Variants in PCDH9 observed in about 807,000 individuals in gnomAD.
PCDH9 encodes the protein protocadherin 9.
Under a neutral mutation model 70.6 loss-of-function variants are expected in PCDH9, and 24 were observed. The observed-to-expected ratio is 0.34, with a 90% CI of 0.25 to 0.48. PCDH9 has a LOEUF of 0.48. PCDH9 is among the 20% of genes least tolerant of loss of function. The probability of loss-of-function intolerance (pLI) is 0.99; values close to 1 mark genes in which losing one functional copy is unlikely to be tolerated. For missense variants in PCDH9, 1,281 were observed against 1,503.6 expected, an observed-to-expected ratio of 0.85 and a Z score of 2.45; for synonymous variants, 562 against 558.5, an observed-to-expected ratio of 1.01 and a Z score of -0.09.
In PCDH9 at chr13:67,077,604, G is replaced by A. The variant is rs563083003; in HGVS notation, c.3036+147801C>T. 9.5e-4 allele frequency among the ~76,000 whole-genome samples: 144 copies of A among 152,134 alleles called. 2 individuals carry two copies. Among genetic ancestry groups the A allele is most frequent in the Non-Finnish European group, 1.8e-3 (121 of 68,000 alleles). ...TAGTATCTGGCACATAATAGAATAC[G>A]TATTTGTTGATTATATGAATAAACG... On this transcript the variant is annotated intron_variant, in intron 2 of 4. Coordinates refer to ENST00000377865, the MANE Select transcript of PCDH9 (RefSeq NM_203487.3).
At chr13:66,763,696 C>T (rs1174535980) in intron 3 of PCDH9, among the ~76,000 whole-genome samples, 3 of 152,060 alleles carry the variant, frequency 2.0e-5, no homozygotes, top group Non-Finnish European at 4.4e-5. Context: ...AGACAGTCAG[C>T]ACACGCAGTT....
At chr13:67,029,040 A>T (rs373085586) in intron 2 of PCDH9, among the ~76,000 whole-genome samples, 1 of 152,320 alleles carries the variant, frequency 6.6e-6, no homozygotes, top group East Asian at 1.9e-4. Context: ...TTATTTAATC[A>T]GTAACTTAAA....
chr13:66,788,616 T>C (rs1291706089), intron 3 of PCDH9, among the ~76,000 whole-genome samples: 1 of 151,170 alleles, frequency 6.6e-6, no homozygotes, highest in Non-Finnish European at 1.5e-5. Context: ...AACTTCAGTC[T>C]ATCATCTCCC....
chr13:66,926,786 T>C (rs2082724425), intron 2 of PCDH9, among the ~76,000 whole-genome samples: 1 of 152,078 alleles, frequency 6.6e-6, no homozygotes, highest in Non-Finnish European at 1.5e-5. Context: ...TTTTTTGTGT[T>C]AAGTGCTTGC....
At chr13:66,776,391 G>T (rs1434260977) in intron 3 of PCDH9, among the ~76,000 whole-genome samples, 1 of 150,764 alleles carries the variant, frequency 6.6e-6, no homozygotes, top group Non-Finnish European at 1.5e-5. Flanking sequence ...CATTGTCTCA[G>T]CCCAAAATCT....
chr13:67,202,408 T>A lies in PCDH9; in HGVS notation c.3036+22997A>T, dbSNP rs1027448898. 4 of 152,222 alleles carry A rather than the reference T, an allele frequency of 2.6e-5. No homozygotes were observed. In the East Asian group the frequency reaches 7.7e-4, roughly 29 times the overall value. 9.4% of individuals were successfully genotyped at this position (152,222 alleles called of 1,614,324 possible). The stretch of plus-strand genomic sequence containing the variant: ...TGTGAACTGAAGTTGCATTTTTATA[T>A]TTTTTAATAGAATATTAGAATATTA... On this transcript the variant is annotated intron_variant, in intron 2 of 4. Transcript: ENST00000377865.
At chr13:66,528,395 A>G (rs1336354278) in intron 4 of PCDH9, among the ~76,000 whole-genome samples, 1 of 152,126 alleles carries the variant, frequency 6.6e-6, no homozygotes. Context: ...TCTACTGAGG[A>G]AGCTCCCCGC....
chr13:66,838,893 C>T (rs1380177221), intron 3 of PCDH9, among the ~76,000 whole-genome samples: 4 of 151,856 alleles, frequency 2.6e-5, no homozygotes, highest in Admixed American at 6.6e-5. Flanking sequence ...AATAATGTCA[C>T]TTATTTAAAT....
At chr13:66,325,198 T>C (rs1484404941) in intron 4 of PCDH9, among the ~76,000 whole-genome samples, 1 of 152,044 alleles carries the variant, frequency 6.6e-6, no homozygotes, top group African/African-American at 2.4e-5. Context: ...CCATAGCTAG[T>C]TTTAGTTTTA....
At chr13:66,746,115 T>C (rs1232498800) in intron 3 of PCDH9, among the ~76,000 whole-genome samples, 1 of 152,232 alleles carries the variant, frequency 6.6e-6, no homozygotes, top group South Asian at 2.1e-4. Context: ...ATTACCTGTA[T>C]GTTGCCATAT....
chr13:66,484,227 T>C (rs551198576), intron 4 of PCDH9, among the ~76,000 whole-genome samples: 1 of 152,086 alleles, frequency 6.6e-6, no homozygotes, highest in Non-Finnish European at 1.5e-5. Context: ...TCTAATTGAG[T>C]TGGTTAACAC....
intron 4 of PCDH9, among the ~76,000 whole-genome samples, chr13:66,508,424 C>T (rs754436241): frequency 2.6e-5 from 4 of 152,114 alleles, no homozygotes; most frequent in Admixed American, 6.6e-5. Context: ...GATTTCACTT[C>T]AATAGAGAAA....
rs374133539 is a variant in PCDH9 at position 67,083,196 on chromosome 13, CAT to C, written c.3036+142207_3036+142208del. 1.1e-3 allele frequency among the ~76,000 whole-genome samples: 172 copies of C among 152,162 alleles called. 2 individuals carry two copies. In the South Asian group the frequency reaches 0.018, roughly 16 times the overall value. On this transcript the variant is annotated intron_variant, in intron 2 of 4. Coordinates refer to ENST00000377865, the MANE Select transcript of PCDH9 (RefSeq NM_203487.3). Reference sequence around the variant, plus strand: ...ATTCAACAAAAATATATATAAATAACATATGTATTATTAAAATGCATTTATTT... The same window carrying C: ...ATTCAACAAAAATATATATAAATAACATGTATTATTAAAATGCATTTATTT...
At chr13:66,704,183 C>A (rs766282511) in intron 3 of PCDH9, among the ~76,000 whole-genome samples, 3 of 152,104 alleles carry the variant, frequency 2.0e-5, no homozygotes, top group Non-Finnish European at 2.9e-5. Flanking sequence ...AGATACGTAA[C>A]CTTGATTAAA....
intron 2 of PCDH9, among the ~76,000 whole-genome samples, chr13:66,953,287 A>G (rs1222385472): frequency 2.0e-5 from 3 of 152,212 alleles, no homozygotes; most frequent in African/African-American, 4.8e-5. Flanking sequence ...CATTGAAGCT[A>G]CATGCCAGAG....
At chr13:66,948,462 A>G (rs1252912144) in intron 2 of PCDH9, among the ~76,000 whole-genome samples, 1 of 152,062 alleles carries the variant, frequency 6.6e-6, no homozygotes, top group East Asian at 1.9e-4. Context: ...GTTGGAATGC[A>G]GAATTTGTAT....
chr13:66,620,419 T>A (rs2077407344), intron 4 of PCDH9, among the ~76,000 whole-genome samples: 1 of 152,186 alleles, frequency 6.6e-6, no homozygotes, highest in East Asian at 1.9e-4. Flanking sequence ...AGATTTTAAC[T>A]TCTATGCCCT....
intron 4 of PCDH9, among the ~76,000 whole-genome samples, chr13:66,362,870 A>T (rs185448774): frequency 9.3e-4 from 142 of 152,198 alleles, no homozygotes; most frequent in Non-Finnish European, 7.4e-4. Flanking sequence ...TATCTCACTT[A>T]TATCTTCCTT....
intron 2 of PCDH9, among the ~76,000 whole-genome samples, chr13:67,141,320 G>A (rs1003764285): frequency 6.6e-5 from 10 of 152,158 alleles, no homozygotes; most frequent in African/African-American, 2.2e-4. Context: ...GAGTGTGGTG[G>A]CTCATGCCTA....
Sources: gnomAD v4.1 joint callset for allele counts (sites outside exome capture counted in the v4.1 genomes callset) on GRCh38, gnomAD v4.1.1 for gene constraint, MANE v1.5 for transcripts, NCBI Gene and HGNC (gene_info 2026-07-23, HGNC 2026-07-21) for gene names.